LATS1: variants seen among roughly 807,000 people sequenced by gnomAD.
LATS1 encodes the protein large tumor suppressor kinase 1, also known as serine/threonine-protein kinase LATS1.
A neutral mutation model predicts 106.6 loss-of-function variants in LATS1; 25 were observed. That is an observed-to-expected ratio of 0.23 (90% confidence interval 0.17 to 0.33). The LOEUF (loss-of-function observed/expected upper bound fraction) is 0.33. Among genes scored for constraint, LATS1 ranks in the 10% least tolerant of loss-of-function variants. LATS1 has a pLI of 1.00. For synonymous variants in LATS1, 465 were observed against 455.6 expected, an observed-to-expected ratio of 1.02 and a Z score of -0.26; for missense variants, 1,040 against 1,382.6, an observed-to-expected ratio of 0.75 and a Z score of 3.93.
At chr6:149,688,609 G>C (rs73608614) in intron 3 of LATS1, among the ~76,000 whole-genome samples, 6,994 of 152,000 alleles carry the variant, frequency 0.046, 534 homozygotes, top group African/African-American at 0.16. Flanking sequence ...CACCCGGGCC[G>C]TTCATTAAAT....
chr6:149,659,490 T>A lies in LATS1; in HGVS notation c.*2239A>T. ...AAAAACAAAAAAAGAATACAAAATT[T>A]GTAGTGTCTGTTACATTTCAGCAAT... On this transcript the variant is annotated 3_prime_UTR_variant, in exon 8 of 8. Transcript: ENST00000543571. 1 of 227,450 alleles carries A rather than the reference T, an allele frequency of 4.4e-6. No individual in the cohort carries two copies. The allele number at this position is 227,450 out of a possible 1,614,324, so 14.1% of individuals were successfully genotyped here.
chr6:149,702,945 T>A (rs1783548532), intron 1 of LATS1, among the ~76,000 whole-genome samples: 1 of 151,644 alleles, frequency 6.6e-6, no homozygotes, highest in Non-Finnish European at 1.5e-5. Context: ...AGTGCTGGGA[T>A]TACAGGTGTG....
At chr6:149,702,347 T>C (rs370864580) in intron 1 of LATS1, 81 bp from the exon 2 acceptor site, 91 of 437,410 alleles carry the variant, frequency 2.1e-4, no homozygotes, top group Middle Eastern at 1.2e-3. Flanking sequence ...TCCATTGATA[T>C]AGGGGTTAAG....
At chr6:149,708,030 A>C (rs1783885193) in intron 1 of LATS1, among the ~76,000 whole-genome samples, 1 of 152,182 alleles carries the variant, frequency 6.6e-6, no homozygotes, top group Non-Finnish European at 1.5e-5. Context: ...AGAAAAAAAA[A>C]GGAAAGGAAA....
At chr6:149,688,233 T>G (rs938102599) in intron 3 of LATS1, among the ~76,000 whole-genome samples, 3 of 152,064 alleles carry the variant, frequency 2.0e-5, no homozygotes, top group African/African-American at 2.4e-5. Context: ...GTCTATCACT[T>G]TGTTCTTCCC....
intron 1 of LATS1, among the ~76,000 whole-genome samples, chr6:149,715,778 G>C (rs1277300810): frequency 6.6e-6 from 1 of 152,040 alleles, no homozygotes; most frequent in Non-Finnish European, 1.5e-5. Context: ...CCACAACAAG[G>C]TATGGTTAAT....
intron 7 of LATS1, among the ~76,000 whole-genome samples, chr6:149,670,783 C>T (rs959098808): frequency 1.3e-5 from 2 of 151,954 alleles, no homozygotes; most frequent in East Asian, 3.8e-4. Context: ...TATTTGTTTC[C>T]TTACTGTTGA....
intron 1 of LATS1, among the ~76,000 whole-genome samples, chr6:149,703,922 A>G (rs998279903): frequency 1.3e-5 from 2 of 152,226 alleles, no homozygotes; most frequent in African/African-American, 2.4e-5. Context: ...AGTTGACACC[A>G]GTCCAGATGT....
chr6:149,707,007 ATC>A lies in LATS1; in HGVS notation c.-140-4743_-140-4742del, dbSNP rs1783810435. Among the ~76,000 whole-genome samples, 11 of 139,548 alleles carry A rather than the reference ATC, an allele frequency of 7.9e-5. No homozygotes were observed. In the South Asian group the frequency reaches 1.6e-3, roughly 20 times the overall value. 91.5% of individuals were successfully genotyped at this position (139,548 alleles called of 152,430 possible). A position where few individuals can be genotyped will look rare whatever the true frequency, so the allele number is the denominator to read the frequency against. On this transcript the variant is annotated intron_variant, in intron 1 of 7. Coordinates refer to ENST00000543571, the MANE Select transcript of LATS1 (RefSeq NM_004690.4). ...GGGATCATAATACACAAAACTGGAC[ATC>A]TCTTTTTTTTTTTTTTTTTTTTTGA...
chr6:149,667,077 C>T (rs1226905661), intron 7 of LATS1, among the ~76,000 whole-genome samples: 1 of 151,680 alleles, frequency 6.6e-6, no homozygotes, highest in Non-Finnish European at 1.5e-5. Context: ...ATAAAAAACT[C>T]AATGGATAGT....
intron 7 of LATS1, among the ~76,000 whole-genome samples, chr6:149,673,422 A>T (rs532998170): frequency 6.6e-6 from 1 of 151,956 alleles, no homozygotes; most frequent in African/African-American, 2.4e-5. Flanking sequence ...TCATTGCTGT[A>T]TTATGCTGGC....
chr6:149,669,299 A>G (rs1386426712), intron 7 of LATS1, among the ~76,000 whole-genome samples: 3 of 151,676 alleles, frequency 2.0e-5, no homozygotes, highest in Non-Finnish European at 4.4e-5. Context: ...ACACCCAGCT[A>G]ATTTTTTGTA....
At chr6:149,703,276 C>T (rs1164358790) in intron 1 of LATS1, among the ~76,000 whole-genome samples, 1 of 152,150 alleles carries the variant, frequency 6.6e-6, no homozygotes, top group African/African-American at 2.4e-5. Flanking sequence ...CAATCCTCCA[C>T]TTTAAAAAGA....
intron 1 of LATS1, among the ~76,000 whole-genome samples, chr6:149,706,008 A>AC: frequency 6.6e-6 from 1 of 151,030 alleles, no homozygotes; most frequent in South Asian, 2.1e-4. Flanking sequence ...ACATGGAGAA[A>AC]CCCCGTCTCT....
intron 1 of LATS1, among the ~76,000 whole-genome samples, chr6:149,704,847 T>A (rs547248358): frequency 2.0e-5 from 3 of 150,812 alleles, no homozygotes; most frequent in African/African-American, 4.9e-5. Context: ...AATATACCCA[T>A]TTTTAATTTT....
intron 3 of LATS1, among the ~76,000 whole-genome samples, chr6:149,685,034 G>A (rs1247309397): frequency 5.9e-5 from 9 of 151,682 alleles, no homozygotes; most frequent in East Asian, 3.9e-4. Flanking sequence ...CCAGGAGTTC[G>A]AGACCAGCCT....
chr6:149,678,398 G>C (rs1437280466), intron 5 of LATS1, among the ~76,000 whole-genome samples: 1 of 152,084 alleles, frequency 6.6e-6, no homozygotes, highest in Non-Finnish European at 1.5e-5. Context: ...ATGCCCCAGT[G>C]AAGATTTTTG....
chr6:149,696,559 TAAAAAAAAAAAA>T (rs372769091), intron 2 of LATS1, among the ~76,000 whole-genome samples: 1 of 45,820 alleles, frequency 2.2e-5, no homozygotes, highest in Non-Finnish European at 3.8e-5. Flanking sequence ...AACTCCGTCT[TAAAAAAAAAAAA>T]AAAAAAAAAA....
intron 1 of LATS1, among the ~76,000 whole-genome samples, chr6:149,703,294 A>G (rs948282447): frequency 2.0e-5 from 3 of 152,198 alleles, no homozygotes; most frequent in African/African-American, 7.2e-5. Context: ...AGATTTTTAA[A>G]CCACTATTCC....
Sources: allele counts gnomAD v4.1 joint callset (sites outside exome capture counted in the v4.1 genomes callset), GRCh38; gene constraint gnomAD v4.1.1; transcripts MANE v1.5; gene names NCBI Gene and HGNC (gene_info 2026-07-23, HGNC 2026-07-21).